SCFD2: variants seen among roughly 807,000 people sequenced by gnomAD.
SCFD2 encodes the protein sec1 family domain-containing protein 2.
In SCFD2, 54 loss-of-function variants were observed where a neutral mutation model predicts 58.9. That is an observed-to-expected ratio of 0.92 (90% CI 0.74 to 1.15). The LOEUF (loss-of-function observed/expected upper bound fraction) is 1.15, where lower values mean the gene tolerates loss of function less well. Ranked by LOEUF, SCFD2 falls within the 50% of genes most tolerant of loss-of-function variation. SCFD2 has a pLI of 0.00. For missense variants in SCFD2, 805 were observed against 836.6 expected, an observed-to-expected ratio of 0.96 and a Z score of 0.47; for synonymous variants, 321 against 335.9, an observed-to-expected ratio of 0.96 and a Z score of 0.49.
chr4:52,936,559 TG>T, intron 5 of SCFD2, among the ~76,000 whole-genome samples: 1 of 152,346 alleles, frequency 6.6e-6, no homozygotes, highest in African/African-American at 2.4e-5. Context: ...TCACTTCTCC[TG>T]AGCACCCATC....
Position 52,985,778 on chromosome 4 carries a change from A to C in SCFD2, c.1562-64908T>G, listed in dbSNP as rs556764934. Among the ~76,000 whole-genome samples the C allele has an allele frequency of 3.4e-3, 439 of 129,904 alleles. 4 individuals carry two copies. Among genetic ancestry groups the C allele is most frequent in the Admixed American group, 0.013 (148 of 11,502 alleles). 85.2% of individuals were successfully genotyped at this position (129,904 alleles called of 152,430 possible). A position where few individuals can be genotyped will look rare whatever the true frequency, so the allele number is the denominator to read the frequency against. On this transcript the variant is annotated intron_variant, in intron 5 of 8. Coordinates refer to ENST00000401642, the MANE Select transcript of SCFD2 (RefSeq NM_152540.4). ...AGCAGGTTAAGGTCAAGTTTTTTTG[A>C]AAGTCTCTCCAAATATGCAACAGAT...
chr4:53,201,877 A>AT (rs1414775942), intron 4 of SCFD2, among the ~76,000 whole-genome samples: 2 of 151,524 alleles, frequency 1.3e-5, no homozygotes, highest in African/African-American at 4.8e-5. Flanking sequence ...GGGTTGTTTG[A>AT]TTTTTTCTTG....
intron 4 of SCFD2, among the ~76,000 whole-genome samples, chr4:53,213,817 C>A (rs1728707114): frequency 6.6e-6 from 1 of 152,076 alleles, no homozygotes; most frequent in South Asian, 2.1e-4. Context: ...CCCACCACCC[C>A]ACGACAGGCC....
chr4:53,358,837 A>T (rs1424590068), intron 1 of SCFD2, among the ~76,000 whole-genome samples: 1 of 152,218 alleles, frequency 6.6e-6, no homozygotes, highest in Non-Finnish European at 1.5e-5. Flanking sequence ...CTATGCAAAC[A>T]TGCCTGACCC....
At chr4:52,913,820 A>T (rs1484848046) in intron 6 of SCFD2, among the ~76,000 whole-genome samples, 1 of 152,140 alleles carries the variant, frequency 6.6e-6, no homozygotes, top group Non-Finnish European at 1.5e-5. Context: ...ATTTCCAGAG[A>T]CTTTATGGGT....
At chr4:52,981,551 A>AT (rs958937802) in intron 5 of SCFD2, among the ~76,000 whole-genome samples, 33 of 151,454 alleles carry the variant, frequency 2.2e-4, no homozygotes, top group Middle Eastern at 3.4e-3. Context: ...GAGAACTGCT[A>AT]TTTTTTTTTC....
chr4:52,907,521 T>C lies in SCFD2; in HGVS notation c.1778A>G (p.Asp593Gly), dbSNP rs1719375490. The C allele has an allele frequency of 6.2e-7, 1 of 1,613,926 alleles. No homozygotes were observed. The highest frequency in any genetic ancestry group is 8.5e-7 in the Non-Finnish European group (1 of 1,179,844). The part of the protein sequence containing the change: ...IFHPERPDSV[D>G]IEHMSSGLTD... Reference sequence around the variant, plus strand: ...GAGGCCTGAAGACATGTGTTCAATATCAACGGAATCTGGCCTCTCGGGATG... The same window carrying C: ...GAGGCCTGAAGACATGTGTTCAATACCAACGGAATCTGGCCTCTCGGGATG... Residue 593 changes from aspartate (D) to glycine (G), a missense_variant, in exon 7 of 9, where the codon GAT becomes GGT. Physicochemically the swap from Asp to Gly is moderately conservative, Grantham distance 94 (BLOSUM62 -1). Transcript: ENST00000401642.
chr4:53,075,738 A>G (rs1280883066), intron 5 of SCFD2, among the ~76,000 whole-genome samples: 1 of 152,214 alleles, frequency 6.6e-6, no homozygotes, highest in Admixed American at 6.5e-5. Context: ...TTGCTGTCTT[A>G]CATGGGGGTA....
intron 4 of SCFD2, chr4:53,265,540 T>C (rs1423724382): frequency 6.6e-6 from 1 of 152,196 alleles, no homozygotes; most frequent in Non-Finnish European, 1.5e-5. Context: ...CATTCCAATT[T>C]TAGTATATGT....
intron 5 of SCFD2, among the ~76,000 whole-genome samples, chr4:53,009,133 C>T (rs1722042354): frequency 6.6e-6 from 1 of 152,190 alleles, no homozygotes; most frequent in South Asian, 2.1e-4. Context: ...AACTATTAGT[C>T]CTCTCTCACT....
intron 4 of SCFD2, among the ~76,000 whole-genome samples, chr4:53,148,515 T>C (rs1054867407): frequency 1.2e-4 from 18 of 152,198 alleles, no homozygotes; most frequent in Non-Finnish European, 2.5e-4. Flanking sequence ...CCAACCCCGA[T>C]TGTTCCTCTA....
At chr4:52,939,900 T>A (rs896536867) in intron 5 of SCFD2, among the ~76,000 whole-genome samples, 3 of 152,216 alleles carry the variant, frequency 2.0e-5, no homozygotes, top group African/African-American at 7.2e-5. Flanking sequence ...GGTGGCATGC[T>A]GCCACTGGCT....
intron 2 of SCFD2, among the ~76,000 whole-genome samples, chr4:53,345,148 A>G (rs74400759): frequency 0.7 from 106,904 of 152,100 alleles, 37,760 homozygotes; most frequent in Middle Eastern, 0.8. Flanking sequence ...AAACTACCAC[A>G]AGAGTGAACA....
intron 3 of SCFD2, among the ~76,000 whole-genome samples, chr4:53,278,944 A>G (rs1209279100): frequency 6.6e-6 from 1 of 152,046 alleles, no homozygotes; most frequent in African/African-American, 2.4e-5. Flanking sequence ...CCATAACCTT[A>G]CCAAAAGCAA....
intron 4 of SCFD2, among the ~76,000 whole-genome samples, chr4:53,202,062 G>A (rs1201048595): frequency 6.6e-6 from 1 of 152,124 alleles, no homozygotes; most frequent in East Asian, 1.9e-4. Context: ...GGCTTCTGTT[G>A]CCATTGCTTT....
intron 5 of SCFD2, among the ~76,000 whole-genome samples, chr4:52,977,977 T>C (rs1245691566): frequency 1.3e-5 from 2 of 152,184 alleles, no homozygotes; most frequent in Non-Finnish European, 1.5e-5. Flanking sequence ...GTGATTTTAT[T>C]ACTTGTTTAT....
chr4:53,347,976 A>G (rs908649056), intron 2 of SCFD2, among the ~76,000 whole-genome samples: 1 of 152,240 alleles, frequency 6.6e-6, no homozygotes, highest in Non-Finnish European at 1.5e-5. Context: ...AAAAATGGTT[A>G]GAGATAGTGG....
intron 5 of SCFD2, among the ~76,000 whole-genome samples, chr4:53,023,384 T>C (rs1434753217): frequency 6.6e-6 from 1 of 152,114 alleles, no homozygotes; most frequent in Non-Finnish European, 1.5e-5. Context: ...AAAGGAATCA[T>C]GAACCCATGT....
intron 4 of SCFD2, among the ~76,000 whole-genome samples, chr4:53,230,645 T>C (rs1560399013): frequency 7.0e-6 from 1 of 143,158 alleles, no homozygotes. Context: ...GGGGGAAGGA[T>C]AGCATCAGGA....
Sources: gnomAD v4.1 joint callset for allele counts (sites outside exome capture counted in the v4.1 genomes callset) on GRCh38, gnomAD v4.1.1 for gene constraint, MANE v1.5 for transcripts, NCBI Gene and HGNC (gene_info 2026-07-23, HGNC 2026-07-21) for gene names.